Variants in NCK1 observed in about 807,000 individuals in gnomAD.
NCK1 encodes the protein SH2/SH3 adapter protein NCK1.
In NCK1, 19 loss-of-function variants were observed where a neutral mutation model predicts 36.6. The ratio of observed to expected loss-of-function variants is 0.52; its 90% confidence interval spans 0.36 to 0.76. The LOEUF (loss-of-function observed/expected upper bound fraction) is 0.76, where lower values mean the gene tolerates loss of function less well. Ranked by LOEUF, NCK1 falls within the 30% of genes least tolerant of loss-of-function variation. The pLI, the probability that NCK1 is intolerant of heterozygous loss-of-function variation, is 0.00. For synonymous variants in NCK1, 165 were observed against 156.0 expected (o/e 1.06, Z -0.43); for missense variants, 358 against 445.6 (o/e 0.80, Z 1.77).
chr3:136,865,251 C>G (rs879909260), intron 1 of NCK1, among the ~76,000 whole-genome samples: 2 of 151,946 alleles, frequency 1.3e-5, no homozygotes, highest in Non-Finnish European at 2.9e-5. Context: ...CCACCACGCC[C>G]GGCCTGTATT....
Position 136,870,027 on chromosome 3 carries a change from A to AGTT in NCK1, c.-19+7675_-19+7677dup, listed in dbSNP as rs1453487031. The stretch of plus-strand genomic sequence containing the variant: ...TTTAAAAGAATGGATGTTTCTCAAA[A>AGTT]GTTTTTTTTTTTTTTTTTTTTTTAA... On this transcript the variant is annotated intron_variant, in intron 1 of 3. Transcript: ENST00000481752. Among the ~76,000 whole-genome samples the AGTT allele has an allele frequency of 2.1e-4, 16 of 76,946 alleles. No individual in the cohort carries two copies. The East Asian group carries it at 9.8e-3, about 47-fold the overall frequency. The allele number at this position is 76,946 out of a possible 152,430, so 50.5% of individuals were successfully genotyped here.
chr3:136,925,802 T>C (rs982778879), intron 1 of NCK1, among the ~76,000 whole-genome samples: 3 of 152,220 alleles, frequency 2.0e-5, no homozygotes, highest in African/African-American at 7.2e-5. Context: ...CTGTTAACAT[T>C]CATGTAAAAT....
intron 2 of NCK1, among the ~76,000 whole-genome samples, chr3:136,940,613 C>T (rs564818721): frequency 1.6e-4 from 25 of 152,034 alleles, no homozygotes; most frequent in Non-Finnish European, 2.6e-4. Context: ...GGCGTGACCT[C>T]GGCTCACTGC....
chr3:136,903,746 AAGT>A (rs1169181522), intron 1 of NCK1, among the ~76,000 whole-genome samples: 1 of 146,610 alleles, frequency 6.8e-6, no homozygotes, highest in African/African-American at 2.5e-5. Flanking sequence ...TGTATCTTTT[AAGT>A]GGAAAGTTTG....
intron 2 of NCK1, among the ~76,000 whole-genome samples, chr3:136,933,710 CTTTTT>C (rs11316539): frequency 1.3e-5 from 2 of 150,278 alleles, no homozygotes; most frequent in Non-Finnish European, 3.0e-5. Context: ...TTTAAGTAAT[CTTTTT>C]TTTTTTCTTG....
At chr3:136,876,391 A>G (rs1336619447) in intron 1 of NCK1, among the ~76,000 whole-genome samples, 1 of 152,182 alleles carries the variant, frequency 6.6e-6, no homozygotes, top group Non-Finnish European at 1.5e-5. Flanking sequence ...GATCAACAAA[A>G]TTGATAGACC....
Position 136,939,623 on chromosome 3 carries a change from C to G in NCK1, c.227-5960C>G, listed in dbSNP as rs1290639679. 2.0e-5 allele frequency among the ~76,000 whole-genome samples: 3 copies of G among 152,118 alleles called. No individual in the cohort carries two copies. In the South Asian group the frequency reaches 6.2e-4, roughly 32 times the overall value. The stretch of plus-strand genomic sequence containing the variant: ...CCTCTGAGCATTGCCTTTGCTGCCT[C>G]CCATAGGTTTTTGTATGTTGTGTTT... On this transcript the variant is annotated intron_variant, in intron 2 of 3. Transcript: ENST00000481752.
chr3:136,942,544 G>A (rs1179954997), intron 2 of NCK1, among the ~76,000 whole-genome samples: 1 of 152,174 alleles, frequency 6.6e-6, no homozygotes, highest in Non-Finnish European at 1.5e-5. Flanking sequence ...TTATGTTGGG[G>A]CAGTTTTTGA....
intron 1 of NCK1, among the ~76,000 whole-genome samples, chr3:136,879,372 C>T (rs564476750): frequency 7.3e-4 from 111 of 152,170 alleles, no homozygotes; most frequent in Admixed American, 7.2e-4. Flanking sequence ...ATGAGAGGCT[C>T]TATGGGTATC....
At chr3:136,888,070 AAGTTGCTGGG>A (rs1939121868) in intron 1 of NCK1, among the ~76,000 whole-genome samples, 1 of 149,958 alleles carries the variant, frequency 6.7e-6, no homozygotes. Flanking sequence ...TCAGCCTCCC[AAGTTGCTGGG>A]ATTACAGGCG....
At chr3:136,885,012 C>T (rs1038116363) in intron 1 of NCK1, among the ~76,000 whole-genome samples, 3 of 152,050 alleles carry the variant, frequency 2.0e-5, no homozygotes, top group African/African-American at 7.2e-5. Context: ...TGAGCCACTG[C>T]GCCTGCTGAA....
At chr3:136,894,879 GT>G (rs756169292) in intron 1 of NCK1, among the ~76,000 whole-genome samples, 2 of 77,516 alleles carry the variant, frequency 2.6e-5, no homozygotes, top group African/African-American at 4.1e-5. Flanking sequence ...GTTTTGTTTT[GT>G]TTTTTTTTTG....
chr3:136,899,074 C>T (rs994398409), intron 1 of NCK1: 7 of 179,354 alleles, frequency 3.9e-5, no homozygotes, highest in Non-Finnish European at 7.4e-5. Flanking sequence ...CAGTCAGCCT[C>T]TAGTAGCATT....
intron 1 of NCK1, among the ~76,000 whole-genome samples, chr3:136,866,688 A>C (rs1033584610): frequency 1.3e-5 from 2 of 148,566 alleles, no homozygotes; most frequent in Admixed American, 1.4e-4. Flanking sequence ...ATCTTGGCTC[A>C]CTGCAACCTC....
intron 1 of NCK1, among the ~76,000 whole-genome samples, chr3:136,875,876 A>G (rs1213340932): frequency 2.6e-5 from 4 of 151,494 alleles, no homozygotes; most frequent in Non-Finnish European, 4.4e-5. Context: ...CACCACACCT[A>G]TTCCAAAATT....
intron 2 of NCK1, among the ~76,000 whole-genome samples, chr3:136,932,981 AT>A (rs1215737153): frequency 1.8e-4 from 27 of 152,270 alleles, no homozygotes; most frequent in Middle Eastern, 6.3e-3. Context: ...GTTCAGAAAT[AT>A]ATTTGGAAAC....
In NCK1 at chr3:136,928,492, CT is replaced by C. The variant is rs1940305833; in HGVS notation, c.226+270del. On this transcript the variant is annotated intron_variant, in intron 2 of 3. Transcript: ENST00000481752. Reference sequence around the variant, plus strand: ...ACTAACTCTCACCTTCTAGCAGGGGCTTTTTGAACCATGAATCACTGTTGGA... The same window carrying C: ...ACTAACTCTCACCTTCTAGCAGGGGCTTTTGAACCATGAATCACTGTTGGA... The C allele has an allele frequency of 1.3e-5, 5 of 399,600 alleles. 1 individual carries two copies. In the South Asian group the frequency reaches 1.7e-4, roughly 14 times the overall value. 24.8% of individuals were successfully genotyped at this position (399,600 alleles called of 1,614,324 possible).
intron 1 of NCK1, among the ~76,000 whole-genome samples, chr3:136,873,573 T>TGAAG (rs1938686314): frequency 6.6e-6 from 1 of 152,134 alleles, no homozygotes; most frequent in African/African-American, 2.4e-5. Context: ...TTTTGAAATG[T>TGAAG]GAAGACATGA....
chr3:136,872,916 G>A (rs553444034), intron 1 of NCK1, among the ~76,000 whole-genome samples: 1 of 152,350 alleles, frequency 6.6e-6, no homozygotes, highest in African/African-American at 2.4e-5. Context: ...TTCAGAAGAT[G>A]TATGGAAATG....
Sources: gnomAD v4.1 joint callset for allele counts (sites outside exome capture counted in the v4.1 genomes callset) on GRCh38, gnomAD v4.1.1 for gene constraint, MANE v1.5 for transcripts, NCBI Gene and HGNC (gene_info 2026-07-23, HGNC 2026-07-21) for gene names.